The following UNC13D variants were observed in gnomAD, a reference collection of about 807,000 sequenced individuals.
UNC13D encodes unc-13 homolog D.
UNC13D carries 115 observed loss-of-function variants against 151.7 expected under a neutral mutation model. That is an observed-to-expected ratio of 0.76 (90% confidence interval 0.65 to 0.88). The LOEUF (loss-of-function observed/expected upper bound fraction) is 0.88. Ranked by LOEUF, UNC13D falls within the 40% of genes least tolerant of loss-of-function variation. UNC13D has a pLI of 0.00. For synonymous variants in UNC13D, 588 were observed against 612.2 expected, an observed-to-expected ratio of 0.96 and a Z score of 0.58; for missense variants, 1,369 against 1,438.7, an observed-to-expected ratio of 0.95 and a Z score of 0.78.
chr17:75,829,844 C>A, intron 30 of UNC13D, 184 bp downstream of exon 30: 2 of 879,768 alleles, frequency 2.3e-6, no homozygotes, highest in South Asian at 3.4e-5. Flanking sequence ...TCCCAAAGTG[C>A]TGTGATGACA....
At chr17:75,830,699 A>C (rs1023432124) in intron 27 of UNC13D, 38 bp from the exon 28 acceptor site, 8 of 1,551,482 alleles carry the variant, frequency 5.2e-6, no homozygotes, top group Non-Finnish European at 6.1e-6. Context: ...CCTGGACTGC[A>C]CGCCCAACCA....
At position 75,842,849 on chromosome 17, in the gene UNC13D, A is replaced by T. The variant is rs534265662; in HGVS notation, c.388+8T>A. On this transcript the variant is annotated splice_region_variant and intron_variant, in intron 5 of 31. Transcript: ENST00000207549. ...AGAAGCCCCTTGGGGACCCCACCCC[A>T]TGCTCACCACTGACATCTTTGCCCA... 1.2e-6 allele frequency: 2 copies of T among 1,613,082 alleles called. No homozygotes were observed. Among genetic ancestry groups the T allele is most frequent in the African/African-American group, 2.7e-5 (2 of 74,832 alleles).
intron 1 of UNC13D, 77 bp downstream of exon 1, chr17:75,844,144 C>A: frequency 6.4e-7 from 1 of 1,568,936 alleles, no homozygotes; most frequent in Middle Eastern, 1.7e-4. Context: ...AGAGGTGGGG[C>A]CAGACAGCAG....
rs544643767 is a variant in UNC13D, at chr17:75,840,066, G to A, written c.903C>T (p.His301=). Residue 301 remains histidine (H), a synonymous_variant, in exon 11 of 32, where the codon CAC becomes CAT. Transcript: ENST00000207549. This position sits in a 1 kb window ranked among gnomAD's most constrained non-coding sequence, Gnocchi z 4.6. ...ASRSQPSYTV[H]LHLLQQLVSH... ...ACACAAGCTGCTGCAGGAGGTGGAG[G>A]TGCACGGTGTAGCTCGGCTGCGAGC... 8 of 1,613,584 alleles carry A rather than the reference G, an allele frequency of 5.0e-6. No individual in the cohort carries two copies. The highest frequency in any genetic ancestry group is 1.7e-4 in the Middle Eastern group (1 of 6,008).
chr17:75,833,999 C>T lies in UNC13D; in HGVS notation c.2367+76G>A. ...CCTGGTCTGGGGGACTTATCTTTGA[C>T]ACCAAGGCCTTCAATGACCCCAGAT... is the stretch of plus-strand genomic sequence containing the variant. On this transcript the variant is annotated intron_variant, in intron 24 of 31. Coordinates refer to ENST00000207549, the MANE Select transcript of UNC13D (RefSeq NM_199242.3). This position sits in a 1 kb window ranked among gnomAD's most constrained non-coding sequence, Gnocchi z 4.0. 6.3e-7 allele frequency: 1 copy of T among 1,576,092 alleles called. No homozygotes were observed. Among genetic ancestry groups the T allele is most frequent in the African/African-American group, 1.3e-5 (1 of 74,256 alleles).
At chr17:75,829,482 A>G (rs1471784584) in intron 30 of UNC13D, among the ~76,000 whole-genome samples, 3 of 151,514 alleles carry the variant, frequency 2.0e-5, no homozygotes, top group East Asian at 1.9e-4. Context: ...TTTAGTAGAG[A>G]CGGGGTTTCA....
At chr17:75,835,178 G>C (rs990117135) in intron 20 of UNC13D, 115 bp from the exon 21 acceptor site, 1 of 1,534,018 alleles carries the variant, frequency 6.5e-7, no homozygotes, top group African/African-American at 1.4e-5. Flanking sequence ...AGCTTCACAA[G>C]AGACAAGCAC....
At position 75,840,624 on chromosome 17, in the gene UNC13D, G is replaced by A. The variant is rs780022632; in HGVS notation, c.684-48C>T. On this transcript the variant is annotated intron_variant, in intron 8 of 31. Transcript: ENST00000207549. The surrounding 1 kb of genome is among the most constrained non-coding windows in gnomAD (Gnocchi z 4.6). ...AGGGGGACGCAGCAAGGGTCGGAAG[G>A]GATTAGGCTGGAATCCACCCCCGGC... 6.2e-7 allele frequency: 1 copy of A among 1,613,268 alleles called. No individual in the cohort carries two copies. The highest frequency in any genetic ancestry group is 1.7e-5 in the Admixed American group (1 of 60,010).
chr17:75,833,033 G>A lies in UNC13D; in HGVS notation c.2380C>T (p.Leu794=), dbSNP rs1166719662. 1.2e-6 allele frequency: 2 copies of A among 1,605,622 alleles called. No homozygotes were observed. Among genetic ancestry groups the A allele is most frequent in the Non-Finnish European group, 1.7e-6 (2 of 1,176,860 alleles). Residue 794 remains leucine, a synonymous_variant, in exon 25 of 32, where the codon CTG becomes TTG. Coordinates refer to ENST00000207549, the MANE Select transcript of UNC13D (RefSeq NM_199242.3). The surrounding 1 kb of genome is among the most constrained non-coding windows in gnomAD (Gnocchi z 4.0). ...AGCTCCACCTCCAGGAACTTCATCA[G>A]GGGCAGAATGGCCTGGGGAGGGAGA... ...SVLPEDAILP[L]MKFLEVELCY... is the part of the protein sequence containing the mutation.
At position 75,843,528 on chromosome 17, in the gene UNC13D, C is replaced by G. The variant is rs527842266; in HGVS notation, c.118-9G>C. The G allele has an allele frequency of 2.0e-5, 32 of 1,611,430 alleles. No individual in the cohort carries two copies. In the East Asian group the frequency reaches 7.1e-4, roughly 36 times the overall value. ...TGGGATGGAGGCTGGATCTGCAGAG[C>G]AAGGTGGAAAGGCAGTGTCCCGGGA... On this transcript the variant is annotated splice_polypyrimidine_tract_variant and intron_variant, in intron 1 of 31. Transcript: ENST00000207549.
chr17:75,836,387 C>G lies in UNC13D; in HGVS notation c.1341G>C (p.Leu447=). 1 of 1,613,872 alleles carries G rather than the reference C, an allele frequency of 6.2e-7. No homozygotes were observed. The highest frequency in any genetic ancestry group is 1.1e-5 in the South Asian group (1 of 91,080). ...QMCKMKAFGE[L]CPNTAPLPQL... ...GGGGCAATGGGGCGGTGTTGGGGCA[C>G]AGTTCTCCAAAGGCCTTCATCTTGC... Residue 447 remains leucine, a synonymous_variant, in exon 15 of 32, where the codon CTG becomes CTC. Transcript: ENST00000207549.
chr17:75,843,856 G>T, intron 1 of UNC13D: 1 of 1,372,374 alleles, frequency 7.3e-7, no homozygotes, highest in Non-Finnish European at 9.4e-7. Context: ...GGAGGTGAGG[G>T]GGGTGCCACG....
Position 75,840,804 on chromosome 17 carries a change from C to T in UNC13D, c.641G>A (p.Arg214Gln), listed in dbSNP as rs761043074. Reference sequence around the variant, plus strand: ...ATCCGTGAGCTCCCCAAGCTTCTGTCGGACAGACTCCACAGTGTCCAGGTC... The same window carrying T: ...ATCCGTGAGCTCCCCAAGCTTCTGTTGGACAGACTCCACAGTGTCCAGGTC... The part of the protein sequence containing the change: ...MWDLDTVESV[R>Q]QKLGELTDLH... The change falls in exon 8 of 32, where the codon CGA (arginine) becomes CAA (glutamine). Residue 214 changes from arginine to glutamine, a missense_variant. Physicochemically the swap from Arg to Gln is conservative, Grantham distance 43. Transcript: ENST00000207549. This position sits in a 1 kb window ranked among gnomAD's most constrained non-coding sequence, Gnocchi z 4.6. 4.6e-5 allele frequency: 74 copies of T among 1,613,758 alleles called. No homozygotes were observed. The highest frequency in any genetic ancestry group is 9.9e-5 in the South Asian group (9 of 91,052).
At chr17:75,835,166 G>A (rs1174279234) in intron 20 of UNC13D, 103 bp from the exon 21 acceptor site, 7 of 1,552,684 alleles carry the variant, frequency 4.5e-6, no homozygotes, top group African/African-American at 1.4e-5. Flanking sequence ...AGCTGGGCAG[G>A]GAGCTTCACA....
In UNC13D at chr17:75,832,699, A is replaced by C; in HGVS notation, c.2447+267T>G. On this transcript the variant is annotated intron_variant, in intron 25 of 31. Coordinates refer to ENST00000207549, the MANE Select transcript of UNC13D (RefSeq NM_199242.3). The surrounding 1 kb of genome is among the most constrained non-coding windows in gnomAD (Gnocchi z 4.3). ...CAGCAGGAAATGGGGAGGCCTGAGAAGTGGCAAGCTCCCCGTCCCTGCAGC... is the reference window on the plus strand; with the variant it reads ...CAGCAGGAAATGGGGAGGCCTGAGACGTGGCAAGCTCCCCGTCCCTGCAGC... 1 of 411,102 alleles carries C rather than the reference A, an allele frequency of 2.4e-6. No homozygotes were observed. Among genetic ancestry groups the C allele is most frequent in the Non-Finnish European group, 4.6e-6 (1 of 215,314 alleles). 25.5% of individuals were successfully genotyped at this position (411,102 alleles called of 1,614,324 possible). A position where few individuals can be genotyped will look rare whatever the true frequency, so the allele number is the denominator to read the frequency against.
At position 75,839,819 on chromosome 17, in the gene UNC13D, G is replaced by T. The variant is rs1438980291; in HGVS notation, c.1055+20C>A. On this transcript the variant is annotated intron_variant, in intron 12 of 31. Coordinates refer to ENST00000207549, the MANE Select transcript of UNC13D (RefSeq NM_199242.3). ...GGGGGGCTGGTGGCTCAGGGGTTCT[G>T]CCCAGGGCTGTGTACTCACGCCATG... 2 of 1,612,610 alleles carry T rather than the reference G, an allele frequency of 1.2e-6. No homozygotes were observed. The highest frequency in any genetic ancestry group is 2.2e-5 in the South Asian group (2 of 91,066).
chr17:75,831,017 G>A (rs1308890309), intron 27 of UNC13D, 81 bp downstream of exon 27: 2 of 1,525,604 alleles, frequency 1.3e-6, no homozygotes, highest in Non-Finnish European at 9.0e-7. Flanking sequence ...CATAAATTAT[G>A]TAGCCGACCC....
rs778220114 is a variant in UNC13D at position 75,833,725 on chromosome 17, G to A, written c.2367+350C>T. ...TGAATGAATGAATATCCTTCTACCC[G>A]CCAGTCGAAGGTGTGCATCATGATA... On this transcript the variant is annotated intron_variant, in intron 24 of 31. Transcript: ENST00000207549. This position sits in a 1 kb window ranked among gnomAD's most constrained non-coding sequence, Gnocchi z 4.0. 3.3e-4 allele frequency among the ~76,000 whole-genome samples: 50 copies of A among 152,168 alleles called. No homozygotes were observed. Among genetic ancestry groups the A allele is most frequent in the Admixed American group, 1.4e-3 (22 of 15,274 alleles).
chr17:75,835,201 AC>A, intron 20 of UNC13D, 138 bp from the exon 21 acceptor site: 1 of 1,468,698 alleles, frequency 6.8e-7, no homozygotes, highest in Non-Finnish European at 9.2e-7. Context: ...CTCCGCCCAG[AC>A]CCCCAGGCTG....
Sources: allele counts gnomAD v4.1 joint callset (sites outside exome capture counted in the v4.1 genomes callset), GRCh38; gene constraint gnomAD v4.1.1; non-coding constraint Gnocchi (gnomAD v3.1); transcripts MANE v1.5; gene names NCBI Gene and HGNC (gene_info 2026-07-23, HGNC 2026-07-21).